NCMAP: variants seen among roughly 807,000 people sequenced by gnomAD.
NCMAP encodes noncompact myelin-associated protein.
A neutral mutation model predicts 7.8 loss-of-function variants in NCMAP; 8 were observed. The ratio of observed to expected loss-of-function variants is 1.02; its 90% CI spans 0.60 to 1.84. The LOEUF (loss-of-function observed/expected upper bound fraction) is 1.84. Among genes scored for constraint, NCMAP ranks in the 40% most tolerant of loss-of-function variants. NCMAP has a pLI of 0.00. For missense variants in NCMAP, 112 were observed against 131.4 expected, an observed-to-expected ratio of 0.85 and a Z score of 0.72; for synonymous variants, 41 against 52.9, an observed-to-expected ratio of 0.78 and a Z score of 0.98.
At chr1:24,596,556 C>T (rs761982975) in intron 2 of NCMAP, among the ~76,000 whole-genome samples, 1 of 151,806 alleles carries the variant, frequency 6.6e-6, no homozygotes, top group African/African-American at 2.4e-5. Flanking sequence ...GGTGGTGACG[C>T]TCCTGGAGTC....
At chr1:24,580,811 C>A (rs905761821) in intron 1 of NCMAP, among the ~76,000 whole-genome samples, 3 of 152,208 alleles carry the variant, frequency 2.0e-5, no homozygotes, top group Admixed American at 1.3e-4. Flanking sequence ...TGATCTCTGT[C>A]ACCACTCACT....
chr1:24,575,916 A>G (rs1651543765), intron 1 of NCMAP, among the ~76,000 whole-genome samples: 1 of 11,472 alleles, frequency 8.7e-5, no homozygotes, highest in Non-Finnish European at 1.4e-4. Flanking sequence ...TTGCACTCTC[A>G]AAAAAAAAAA....
At chr1:24,587,859 C>A (rs181383682) in intron 1 of NCMAP, among the ~76,000 whole-genome samples, 109 of 152,214 alleles carry the variant, frequency 7.2e-4, no homozygotes, top group African/African-American at 2.5e-3. Flanking sequence ...GAAGAGGTAG[C>A]AGATTTACCT....
At chr1:24,570,190 C>A (rs1651348574) in intron 1 of NCMAP, among the ~76,000 whole-genome samples, 1 of 149,906 alleles carries the variant, frequency 6.7e-6, no homozygotes, top group Admixed American at 6.6e-5. Flanking sequence ...AAGCAGTCTG[C>A]CCACCTTGGC....
intron 1 of NCMAP, among the ~76,000 whole-genome samples, chr1:24,583,717 GAAA>G (rs71032830): frequency 4.0e-4 from 42 of 104,042 alleles, no homozygotes; most frequent in Non-Finnish European, 3.8e-4. Context: ...CTCCGTCTCA[GAAA>G]AAAAAAAAAA....
chr1:24,567,889 G>A (rs1022720779), intron 1 of NCMAP, among the ~76,000 whole-genome samples: 12 of 152,092 alleles, frequency 7.9e-5, no homozygotes, highest in South Asian at 6.2e-4. Flanking sequence ...GAGAGGTGGC[G>A]GGGGCTGAAG....
chr1:24,573,971 A>AAAAAAAAAAAAAAAAAAAAAAAC (rs1337931415), intron 1 of NCMAP, among the ~76,000 whole-genome samples: 10 of 137,550 alleles, frequency 7.3e-5, no homozygotes, highest in African/African-American at 2.9e-4. Context: ...AAAAAAAAAA[A>AAAAAAAAAAAAAAAAAAAAAAAC]CAGAAAAAAG....
At chr1:24,582,600 G>A (rs984669482) in intron 1 of NCMAP, among the ~76,000 whole-genome samples, 8 of 152,112 alleles carry the variant, frequency 5.3e-5, no homozygotes, top group Non-Finnish European at 7.4e-5. Context: ...AAGAAACCAC[G>A]AGCCAAGGAA....
intron 1 of NCMAP, among the ~76,000 whole-genome samples, chr1:24,582,198 C>G (rs78752878): frequency 2.0e-5 from 3 of 152,182 alleles, no homozygotes; most frequent in African/African-American, 4.8e-5. Context: ...CAGTGCCTCC[C>G]GTGGTGCTTG....
At chr1:24,577,401 G>GT (rs71577720) in intron 1 of NCMAP, among the ~76,000 whole-genome samples, 1,237 of 39,936 alleles carry the variant, frequency 0.031, 88 homozygotes, top group African/African-American at 0.061. Flanking sequence ...CACTGGCCTT[G>GT]TTTTTTTTTT....
chr1:24,559,483 C>T (rs749981256), intron 1 of NCMAP, among the ~76,000 whole-genome samples: 3 of 152,106 alleles, frequency 2.0e-5, no homozygotes, highest in African/African-American at 4.8e-5. Context: ...GCTGAGGGGG[C>T]GGAGCCAGAG....
intron 1 of NCMAP, among the ~76,000 whole-genome samples, chr1:24,569,200 G>C (rs756760216): frequency 1.6e-4 from 25 of 151,698 alleles, no homozygotes; most frequent in Non-Finnish European, 3.4e-4. Flanking sequence ...CACCATGTTG[G>C]CCAGGCTGGT....
chr1:24,557,114 C>T (rs138529328), intron 1 of NCMAP, among the ~76,000 whole-genome samples: 18 of 152,292 alleles, frequency 1.2e-4, no homozygotes, highest in African/African-American at 3.4e-4. Context: ...CTAGCAGCTG[C>T]TTGGGGGCAG....
intron 1 of NCMAP, among the ~76,000 whole-genome samples, chr1:24,571,675 T>C (rs1651393453): frequency 2.0e-5 from 3 of 149,706 alleles, no homozygotes. Context: ...AACCTCTGCC[T>C]CCCGGGTTCA....
chr1:24,585,431 C>T (rs1208010444), intron 1 of NCMAP, among the ~76,000 whole-genome samples: 1 of 152,172 alleles, frequency 6.6e-6, no homozygotes, highest in Non-Finnish European at 1.5e-5. Flanking sequence ...GTGATGTGCT[C>T]ACGCTGACTT....
chr1:24,598,707 G>T (rs1652344558), intron 2 of NCMAP, among the ~76,000 whole-genome samples: 1 of 150,602 alleles, frequency 6.6e-6, no homozygotes, highest in Non-Finnish European at 1.5e-5. Flanking sequence ...TCGGCTCACT[G>T]CCTCACTGCA....
At position 24,576,395 on chromosome 1, in the gene NCMAP, G is replaced by C. The variant is rs909257993; in HGVS notation, c.-7-19029G>C. 1.3e-5 allele frequency among the ~76,000 whole-genome samples: 2 copies of C among 152,198 alleles called. No individual in the cohort carries two copies. Among genetic ancestry groups the C allele is most frequent in the Non-Finnish European group, 2.9e-5 (2 of 68,032 alleles). On this transcript the variant is annotated intron_variant, in intron 1 of 3. Transcript: ENST00000374392. This position sits in a 1 kb window ranked among gnomAD's most constrained non-coding sequence, Gnocchi z 4.0. ...TGGCCACTGGCCAGCTCACACCGTG[G>C]GCAGCTTGAACGGCTGGGATTGTTT...
At chr1:24,559,702 C>A (rs1650993953) in intron 1 of NCMAP, among the ~76,000 whole-genome samples, 1 of 152,216 alleles carries the variant, frequency 6.6e-6, no homozygotes, top group South Asian at 2.1e-4. Flanking sequence ...GGGCTGGTAC[C>A]TGCTTGGGGC....
intron 1 of NCMAP, among the ~76,000 whole-genome samples, chr1:24,592,884 A>G (rs1337355779): frequency 6.6e-6 from 1 of 151,096 alleles, no homozygotes; most frequent in African/African-American, 2.4e-5. Flanking sequence ...ATGCCACTGC[A>G]CTCCAGCCTG....
Sources: gnomAD v4.1 joint callset for allele counts (sites outside exome capture counted in the v4.1 genomes callset) on GRCh38, gnomAD v4.1.1 for gene constraint, Gnocchi (gnomAD v3.1) non-coding constraint, MANE v1.5 for transcripts, NCBI Gene and HGNC (gene_info 2026-07-23, HGNC 2026-07-21) for gene names.